Variants in NCKAP5 observed in about 807,000 individuals in gnomAD.
The protein encoded by NCKAP5 is NCK associated protein 5.
Under a neutral mutation model 167.0 loss-of-function variants are expected in NCKAP5, and 92 were observed. The observed-to-expected ratio is 0.55, with a 90% CI of 0.47 to 0.66. The LOEUF (loss-of-function observed/expected upper bound fraction) is 0.66. NCKAP5 is among the 30% of genes least tolerant of loss of function. The probability of loss-of-function intolerance (pLI) is 0.00; values close to 1 mark genes in which losing one functional copy is unlikely to be tolerated. For synonymous variants in NCKAP5, 891 were observed against 877.4 expected (o/e 1.02, Z -0.27); for missense variants, 2,378 against 2,315.0 (o/e 1.03, Z -0.56).
At chr2:132,995,043 C>T (rs761426243) in intron 6 of NCKAP5, among the ~76,000 whole-genome samples, 6 of 152,120 alleles carry the variant, frequency 3.9e-5, no homozygotes, top group Non-Finnish European at 8.8e-5. Context: ...GAATGGAGCT[C>T]ACAGGACTGG....
chr2:133,154,348 G>A (rs950216874), intron 5 of NCKAP5, among the ~76,000 whole-genome samples: 2 of 152,146 alleles, frequency 1.3e-5, no homozygotes, highest in Non-Finnish European at 2.9e-5. Context: ...ACAAATGAGG[G>A]ACCATGTCTT....
chr2:133,207,728 C>CA (rs1239248744), intron 5 of NCKAP5, among the ~76,000 whole-genome samples: 1 of 151,782 alleles, frequency 6.6e-6, no homozygotes, highest in Non-Finnish European at 1.5e-5. Flanking sequence ...TAAATTGAGC[C>CA]AAAAAATAAA....
chr2:133,028,845 T>A (rs2078782721), intron 6 of NCKAP5, among the ~76,000 whole-genome samples: 1 of 152,126 alleles, frequency 6.6e-6, no homozygotes, highest in African/African-American at 2.4e-5. Context: ...CTTAGCACAA[T>A]CCTCTTGGTG....
At chr2:132,860,227 T>C (rs1447550) in intron 11 of NCKAP5, among the ~76,000 whole-genome samples, 43,803 of 152,100 alleles carry the variant, frequency 0.29, 6,305 homozygotes, top group Middle Eastern at 0.4. Flanking sequence ...TTTCCATGGT[T>C]CCATTTAGTT....
intron 8 of NCKAP5, among the ~76,000 whole-genome samples, chr2:132,947,432 A>C (rs1018100251): frequency 1.3e-5 from 2 of 152,180 alleles, no homozygotes; most frequent in African/African-American, 4.8e-5. Context: ...TTGGTTTATC[A>C]GTATTAATAA....
intron 4 of NCKAP5, among the ~76,000 whole-genome samples, chr2:133,290,932 C>T (rs997225840): frequency 2.6e-5 from 4 of 151,758 alleles, no homozygotes; most frequent in Non-Finnish European, 4.4e-5. Flanking sequence ...TTTGTAGAGA[C>T]AGGATCTTAA....
chr2:133,655,533 G>T, the NCKAP5 span, among the ~76,000 whole-genome samples: 1 of 152,082 alleles, frequency 6.6e-6, no homozygotes, highest in Non-Finnish European at 1.5e-5. Context: ...ACAGGTCTGC[G>T]ATAGATTCAG....
At chr2:132,848,928 G>T (rs1265941945) in intron 11 of NCKAP5, among the ~76,000 whole-genome samples, 1 of 152,110 alleles carries the variant, frequency 6.6e-6, no homozygotes, top group Non-Finnish European at 1.5e-5. Context: ...TTACAAAGAT[G>T]GGTATTCAGG....
chr2:132,890,589 G>A (rs1466763085), intron 8 of NCKAP5, among the ~76,000 whole-genome samples: 2 of 152,288 alleles, frequency 1.3e-5, no homozygotes, highest in Admixed American at 1.3e-4. Flanking sequence ...CCAGCCAGGT[G>A]AGTGCATTTT....
chr2:132,676,700 A>G (rs1043528716), intron 19 of NCKAP5, among the ~76,000 whole-genome samples: 2 of 152,208 alleles, frequency 1.3e-5, no homozygotes, highest in African/African-American at 4.8e-5. Flanking sequence ...TATACGTGAA[A>G]GTGCTTTGCA....
chr2:133,019,690 A>C (rs1333481546), intron 6 of NCKAP5, among the ~76,000 whole-genome samples: 1 of 152,220 alleles, frequency 6.6e-6, no homozygotes, highest in African/African-American at 2.4e-5. Context: ...GATGTATCTA[A>C]TCATATTAGA....
At chr2:133,383,891 C>A (rs1196050425) in intron 3 of NCKAP5, among the ~76,000 whole-genome samples, 3 of 152,116 alleles carry the variant, frequency 2.0e-5, no homozygotes, top group Admixed American at 2.0e-4. Context: ...TCATATCCTT[C>A]GCCCACTTTT....
chr2:133,550,081 G>A (rs1687147328), intron 2 of NCKAP5, among the ~76,000 whole-genome samples: 1 of 151,214 alleles, frequency 6.6e-6, no homozygotes, highest in Non-Finnish European at 1.5e-5. Context: ...CCAATAACAG[G>A]AGCTGAAATT....
chr2:133,470,682 C>T (rs1679166048), intron 3 of NCKAP5, among the ~76,000 whole-genome samples: 1 of 152,234 alleles, frequency 6.6e-6, no homozygotes, highest in Non-Finnish European at 1.5e-5. Context: ...GCGTAGGACC[C>T]TCCAAGCCAG....
the NCKAP5 span, among the ~76,000 whole-genome samples, chr2:133,590,663 G>A: frequency 3.8e-4 from 58 of 152,202 alleles, no homozygotes; most frequent in African/African-American, 9.4e-4. Flanking sequence ...AGTTACTCAC[G>A]GGTGAATTCT....
chr2:133,411,508 C>T (rs940136931), intron 3 of NCKAP5, among the ~76,000 whole-genome samples: 2 of 152,126 alleles, frequency 1.3e-5, no homozygotes, highest in African/African-American at 4.8e-5. Context: ...GATAAATACA[C>T]CATTCATTTT....
At chr2:133,153,960 C>T (rs979241271) in intron 5 of NCKAP5, among the ~76,000 whole-genome samples, 1 of 151,544 alleles carries the variant, frequency 6.6e-6, no homozygotes, top group Non-Finnish European at 1.5e-5. Context: ...CCTGCCTCAG[C>T]CTCCTGAGTA....
intron 3 of NCKAP5, among the ~76,000 whole-genome samples, chr2:133,362,773 A>T (rs780988352): frequency 2.7e-5 from 4 of 150,468 alleles, no homozygotes; most frequent in Non-Finnish European, 4.4e-5. Flanking sequence ...GTTGTTGTTG[A>T]GACAGAATCT....
At chr2:133,095,768 C>T (rs1357655823) in intron 6 of NCKAP5, among the ~76,000 whole-genome samples, 2 of 152,180 alleles carry the variant, frequency 1.3e-5, no homozygotes, top group Admixed American at 6.5e-5. Context: ...AGATAAATTA[C>T]GACTATCCCA....
Sources: gnomAD v4.1 joint callset for allele counts (sites outside exome capture counted in the v4.1 genomes callset) on GRCh38, gnomAD v4.1.1 for gene constraint, MANE v1.5 for transcripts, NCBI Gene and HGNC (gene_info 2026-07-23, HGNC 2026-07-21) for gene names.